Variants in KANK1 observed in about 807,000 individuals in gnomAD.
KANK1 encodes KN motif and ankyrin repeat domain-containing protein 1.
A neutral mutation model predicts 106.2 loss-of-function variants in KANK1; 109 were observed. That is an observed-to-expected ratio of 1.03 (90% confidence interval 0.88 to 1.20). KANK1 has a LOEUF of 1.20. Among genes scored for constraint, KANK1 ranks in the 50% most tolerant of loss-of-function variants. The pLI, the probability that KANK1 is intolerant of heterozygous loss-of-function variation, is 0.00. For synonymous variants in KANK1, 873 were observed against 652.2 expected, an observed-to-expected ratio of 1.34 and a Z score of -5.16; for missense variants, 2,399 against 1,710.7, an observed-to-expected ratio of 1.40 and a Z score of -7.10.
intron 1 of KANK1, among the ~76,000 whole-genome samples, chr9:604,025 T>C (rs1345314716): frequency 6.6e-6 from 1 of 151,646 alleles, no homozygotes; most frequent in Non-Finnish European, 1.5e-5. Context: ...TCTTTGTTTT[T>C]TCATTCACTT....
At chr9:568,753 A>T (rs1818444343) in intron 1 of KANK1, among the ~76,000 whole-genome samples, 1 of 152,174 alleles carries the variant, frequency 6.6e-6, no homozygotes, top group Admixed American at 6.5e-5. Context: ...AAGCACTGGG[A>T]TTACAGGTGT....
chr9:633,040 C>A (rs1019460636), intron 1 of KANK1, among the ~76,000 whole-genome samples: 7 of 152,044 alleles, frequency 4.6e-5, no homozygotes, highest in Non-Finnish European at 2.9e-5. Flanking sequence ...GTAACATGGC[C>A]CCCTCCCTCC....
chr9:638,826 C>G (rs1238468321), intron 1 of KANK1, among the ~76,000 whole-genome samples: 4 of 152,178 alleles, frequency 2.6e-5, no homozygotes, highest in African/African-American at 9.7e-5. Context: ...TTATTCTTCT[C>G]TCTGCCATTC....
intron 1 of KANK1, among the ~76,000 whole-genome samples, chr9:544,026 A>T (rs2060776798): frequency 6.6e-6 from 1 of 150,888 alleles, no homozygotes; most frequent in Non-Finnish European, 1.5e-5. Flanking sequence ...TTATTTTATT[A>T]TTTTATTTTT....
intron 3 of KANK1, among the ~76,000 whole-genome samples, chr9:728,770 C>G (rs1466799772): frequency 6.6e-6 from 1 of 152,188 alleles, no homozygotes; most frequent in Non-Finnish European, 1.5e-5. Context: ...TTAACCCAGA[C>G]ACTCCTTTCT....
At chr9:655,394 C>T (rs1841926071) in intron 1 of KANK1, among the ~76,000 whole-genome samples, 2 of 123,090 alleles carry the variant, frequency 1.6e-5, no homozygotes, top group African/African-American at 6.1e-5. Context: ...AAAAAAAATC[C>T]AAGATTGTGA....
intron 1 of KANK1, among the ~76,000 whole-genome samples, chr9:642,957 G>A (rs1186899098): frequency 1.3e-5 from 2 of 150,478 alleles, no homozygotes; most frequent in Non-Finnish European, 2.9e-5. Flanking sequence ...TTATTACTAA[G>A]TAATTTATCT....
At chr9:659,969 T>G (rs1004347937) in intron 1 of KANK1, 1 of 186,336 alleles carries the variant, frequency 5.4e-6, no homozygotes, top group Admixed American at 5.5e-5. Context: ...CCATTTCCAC[T>G]GAGGAAAAAC....
At chr9:610,155 C>G (rs868427068) in intron 1 of KANK1, among the ~76,000 whole-genome samples, 5 of 152,082 alleles carry the variant, frequency 3.3e-5, no homozygotes, top group African/African-American at 1.2e-4. Flanking sequence ...TAAGTTACTT[C>G]CTTGCGATAA....
chr9:542,292 G>C (rs10975054), intron 1 of KANK1, among the ~76,000 whole-genome samples: 1,607 of 152,322 alleles, frequency 0.011, 23 homozygotes, highest in African/African-American at 0.035. Flanking sequence ...TTGAGGTCAG[G>C]AGTTCAAGAC....
intron 3 of KANK1, among the ~76,000 whole-genome samples, chr9:490,629 T>A (rs1463228397): frequency 6.6e-6 from 1 of 152,220 alleles, no homozygotes; most frequent in East Asian, 1.9e-4. Flanking sequence ...CATTATCAAA[T>A]TTAAAAAGAG....
At chr9:525,075 A>G (rs1403189972) in intron 1 of KANK1, among the ~76,000 whole-genome samples, 2 of 145,564 alleles carry the variant, frequency 1.4e-5, no homozygotes, top group Non-Finnish European at 3.0e-5. Flanking sequence ...GCTCACTGCA[A>G]CCTCCGCCTC....
intron 1 of KANK1, among the ~76,000 whole-genome samples, chr9:546,750 T>C (rs1444145045): frequency 6.6e-6 from 1 of 151,874 alleles, no homozygotes; most frequent in African/African-American, 2.4e-5. Flanking sequence ...AAAACATCTG[T>C]ATTTTAATAG....
At chr9:605,167 G>A (rs1828772965) in intron 1 of KANK1, among the ~76,000 whole-genome samples, 2 of 151,424 alleles carry the variant, frequency 1.3e-5, no homozygotes, top group South Asian at 4.2e-4. Context: ...TGGGTGTGGT[G>A]GTACGCGCCT....
intron 1 of KANK1, among the ~76,000 whole-genome samples, chr9:639,205 C>G (rs1837829614): frequency 6.6e-6 from 1 of 152,174 alleles, no homozygotes; most frequent in African/African-American, 2.4e-5. Context: ...CCCTATTTCA[C>G]TTAAATATAC....
chr9:727,702 G>GTA (rs1419137696), intron 3 of KANK1, among the ~76,000 whole-genome samples: 1 of 151,726 alleles, frequency 6.6e-6, no homozygotes, highest in East Asian at 1.9e-4. Flanking sequence ...GTGTGTGTGT[G>GTA]TGTGTGTGTG....
At chr9:601,898 A>C (rs1165996527) in intron 1 of KANK1, among the ~76,000 whole-genome samples, 4 of 151,824 alleles carry the variant, frequency 2.6e-5, no homozygotes, top group African/African-American at 4.9e-5. Context: ...TTTAGAAACC[A>C]ATATCTGAGT....
chr9:609,467 A>C (rs1399792804), intron 1 of KANK1, among the ~76,000 whole-genome samples: 1 of 152,088 alleles, frequency 6.6e-6, no homozygotes, highest in African/African-American at 2.4e-5. Flanking sequence ...ATCTCTACTA[A>C]AAATACAAAA....
Position 730,275 on chromosome 9 carries a change from G to A in KANK1, c.2896+27G>A, listed in dbSNP as rs1026059301. The A allele has an allele frequency of 5.0e-6, 8 of 1,607,932 alleles. No homozygotes were observed. In the African/African-American group the frequency reaches 1.1e-4, roughly 21 times the overall value. On this transcript the variant is annotated intron_variant, in intron 4 of 11. Transcript: ENST00000382297. Reference sequence around the variant, plus strand: ...TAACTTTTCTCACTCACAGTCATTGGCATCAGGATTCTAGGGCCAGCATTG... The same window carrying A: ...TAACTTTTCTCACTCACAGTCATTGACATCAGGATTCTAGGGCCAGCATTG...
Sources: gnomAD v4.1 joint callset for allele counts (sites outside exome capture counted in the v4.1 genomes callset) on GRCh38, gnomAD v4.1.1 for gene constraint, MANE v1.5 for transcripts, NCBI Gene and HGNC (gene_info 2026-07-23, HGNC 2026-07-21) for gene names.